ADGRL2: variants seen among roughly 807,000 people sequenced by gnomAD.
ADGRL2 encodes adhesion G protein-coupled receptor L2.
A neutral mutation model predicts 157.4 loss-of-function variants in ADGRL2; 44 were observed. That is an observed-to-expected ratio of 0.28 (90% CI 0.22 to 0.36). The LOEUF is 0.36. ADGRL2 is among the 10% of genes least tolerant of loss of function. The probability of loss-of-function intolerance (pLI) is 1.00; values close to 1 mark genes in which losing one functional copy is unlikely to be tolerated. For missense variants in ADGRL2, 1,510 were observed against 1,768.9 expected (o/e 0.85, Z 2.63); for synonymous variants, 585 against 624.7 (o/e 0.94, Z 0.95).
At chr1:81,420,743 C>T (rs1035506104) in intron 1 of ADGRL2, among the ~76,000 whole-genome samples, 3 of 152,064 alleles carry the variant, frequency 2.0e-5, no homozygotes, top group Non-Finnish European at 4.4e-5. Context: ...CCAGATGGGT[C>T]CAGTAGCTGA....
intron 1 of ADGRL2, among the ~76,000 whole-genome samples, chr1:81,379,960 C>T (rs994032600): frequency 4.6e-5 from 7 of 152,120 alleles, no homozygotes; most frequent in African/African-American, 1.7e-4. Context: ...CTACTCAACA[C>T]TTCCCTTCCC....
intron 2 of ADGRL2, among the ~76,000 whole-genome samples, chr1:81,552,603 T>TGGA (rs1241077836): frequency 1.5e-4 from 11 of 75,634 alleles, no homozygotes; most frequent in African/African-American, 5.4e-4. Context: ...AAACTTTACT[T>TGGA]AGAAAAAAAA....
chr1:81,677,659 CT>C (rs1236041404), intron 3 of ADGRL2, among the ~76,000 whole-genome samples: 1 of 152,144 alleles, frequency 6.6e-6, no homozygotes, highest in East Asian at 1.9e-4. Flanking sequence ...TTCCTTTGTA[CT>C]GTCTAAATTA....
chr1:81,650,057 A>AG (rs1436571655), intron 3 of ADGRL2, among the ~76,000 whole-genome samples: 2 of 112,618 alleles, frequency 1.8e-5, no homozygotes, highest in African/African-American at 5.3e-5. Flanking sequence ...CCTATTCTTA[A>AG]AAAAAAAAAA....
chr1:81,344,632 C>A (rs969029293), intron 1 of ADGRL2, among the ~76,000 whole-genome samples: 1 of 141,898 alleles, frequency 7.0e-6, no homozygotes, highest in Non-Finnish European at 1.5e-5. Context: ...TGCCATTGCA[C>A]TCCAGCCTGG....
intron 2 of ADGRL2, among the ~76,000 whole-genome samples, chr1:81,450,871 C>T (rs998510693): frequency 7.2e-5 from 11 of 152,040 alleles, no homozygotes; most frequent in African/African-American, 2.4e-4. Flanking sequence ...GACTTAGAGT[C>T]CCCCCAAAGT....
At chr1:81,327,802 G>T (rs1660999797) in intron 1 of ADGRL2, among the ~76,000 whole-genome samples, 1 of 152,050 alleles carries the variant, frequency 6.6e-6, no homozygotes. Flanking sequence ...TTAAACTTTG[G>T]AAGAGTTGTG....
At chr1:81,633,896 G>A (rs2082062334) in intron 3 of ADGRL2, among the ~76,000 whole-genome samples, 1 of 152,188 alleles carries the variant, frequency 6.6e-6, no homozygotes. Context: ...GAAGGCGGTA[G>A]TAACATAAAT....
rs1347898407 is a variant in ADGRL2, at chr1:81,476,889, C to T, written c.-248+31800C>T. ...CTTATCTTAGAAATTTTATCAACAT[C>T]CATCGATTAAACTGTATTTTTAAAT... On this transcript the variant is annotated intron_variant, in intron 2 of 24. Coordinates refer to the ADGRL2 transcript ENST00000370721. 2.0e-5 allele frequency among the ~76,000 whole-genome samples: 3 copies of T among 152,138 alleles called. No individual in the cohort carries two copies. In the East Asian group the frequency reaches 5.8e-4, roughly 29 times the overall value.
intron 3 of ADGRL2, among the ~76,000 whole-genome samples, chr1:81,584,626 G>A (rs768213773): frequency 4.6e-5 from 7 of 152,050 alleles, no homozygotes; most frequent in South Asian, 2.1e-4. Context: ...TTTGGCAATC[G>A]CGCTTTTCTT....
At chr1:81,859,779 G>T (rs918791921) in intron 2 of ADGRL2, among the ~76,000 whole-genome samples, 1 of 151,908 alleles carries the variant, frequency 6.6e-6, no homozygotes, top group South Asian at 2.1e-4. Flanking sequence ...TTTTTGTGAG[G>T]CTTTTTAAAA....
In ADGRL2 at chr1:81,502,521, T is replaced by C. The variant is rs1198806403; in HGVS notation, c.-248+57432T>C. ...ATCCCCATCATGGCCAAACAGATCC[T>C]GGACCTGTACATGCTGTATAAGCTG... is the stretch of plus-strand genomic sequence containing the variant. On this transcript the variant is annotated intron_variant, in intron 2 of 24. Coordinates refer to the ADGRL2 transcript ENST00000370721. The C allele has an allele frequency of 7.4e-6, 12 of 1,613,942 alleles. No homozygotes were observed. The Admixed American group carries it at 8.3e-5, about 11-fold the overall frequency.
At chr1:81,759,270 T>C (rs1024115398) in intron 1 of ADGRL2, among the ~76,000 whole-genome samples, 1 of 152,082 alleles carries the variant, frequency 6.6e-6, no homozygotes, top group African/African-American at 2.4e-5. Context: ...TAAGTGGTGA[T>C]TGAAAAAACA....
chr1:81,787,070 G>T (rs944190573), intron 2 of ADGRL2, among the ~76,000 whole-genome samples: 3 of 151,712 alleles, frequency 2.0e-5, no homozygotes, highest in African/African-American at 7.3e-5. Flanking sequence ...TTCTGCTTTT[G>T]AATCTTCCTC....
At chr1:81,374,076 T>TACAC (rs10645046) in intron 1 of ADGRL2, among the ~76,000 whole-genome samples, 52 of 150,396 alleles carry the variant, frequency 3.5e-4, no homozygotes, top group Non-Finnish European at 5.2e-4. Context: ...TAAATACACA[T>TACAC]ACACACACAC....
chr1:81,679,007 C>T (rs1253777349), intron 3 of ADGRL2, among the ~76,000 whole-genome samples: 1 of 152,116 alleles, frequency 6.6e-6, no homozygotes, highest in Non-Finnish European at 1.5e-5. Context: ...TATTAGGTAG[C>T]CACAGAATAT....
intron 4 of ADGRL2, among the ~76,000 whole-genome samples, chr1:81,941,001 A>G (rs1037862607): frequency 6.8e-6 from 1 of 146,916 alleles, no homozygotes; most frequent in African/African-American, 2.5e-5. Context: ...TTTACTTTTT[A>G]TAAGGTCTGT....
intron 3 of ADGRL2, among the ~76,000 whole-genome samples, chr1:81,589,902 G>C (rs1024358251): frequency 1.3e-5 from 2 of 152,138 alleles, no homozygotes; most frequent in Non-Finnish European, 2.9e-5. Flanking sequence ...CATTAAATGA[G>C]TGTGTAAACC....
chr1:81,643,382 G>T (rs932987547), intron 3 of ADGRL2, among the ~76,000 whole-genome samples: 1 of 152,118 alleles, frequency 6.6e-6, no homozygotes, highest in Non-Finnish European at 1.5e-5. Flanking sequence ...GTACAGTCAT[G>T]GCTCACTGCA....
Sources: gnomAD v4.1 joint callset for allele counts (sites outside exome capture counted in the v4.1 genomes callset) on GRCh38, gnomAD v4.1.1 for gene constraint, MANE v1.5 for transcripts, NCBI Gene and HGNC (gene_info 2026-07-23, HGNC 2026-07-21) for gene names.